FAT1: variants seen among roughly 807,000 people sequenced by gnomAD.
The protein encoded by FAT1 is FAT atypical cadherin 1.
Under a neutral mutation model 329.8 loss-of-function variants are expected in FAT1, and 171 were observed. The ratio of observed to expected loss-of-function variants is 0.52; its 90% CI spans 0.46 to 0.59. The LOEUF (loss-of-function observed/expected upper bound fraction) is 0.59, where lower values mean the gene tolerates loss of function less well. Among genes scored for constraint, FAT1 ranks in the 20% least tolerant of loss-of-function variants. The pLI is 0.00. For synonymous variants in FAT1, 2,233 were observed against 2,228.6 expected (o/e 1.00, Z -0.06); for missense variants, 5,672 against 5,774.4 (o/e 0.98, Z 0.57).
chr4:186,674,491 T>C (rs1161329959), intron 2 of FAT1, among the ~76,000 whole-genome samples: 1 of 152,134 alleles, frequency 6.6e-6, no homozygotes, highest in Non-Finnish European at 1.5e-5. Context: ...CTGACTCTCA[T>C]CAATCAATCA....
chr4:186,711,735 C>T (rs905371644), intron 1 of FAT1, among the ~76,000 whole-genome samples: 1 of 152,122 alleles, frequency 6.6e-6, no homozygotes, highest in Non-Finnish European at 1.5e-5. Flanking sequence ...CTGGCCAAAA[C>T]ATGGTGAAAC....
chr4:186,689,742 C>G lies in FAT1; in HGVS notation c.3265+16821G>C, dbSNP rs148083253. Among the ~76,000 whole-genome samples the G allele has an allele frequency of 5.7e-4, 87 of 152,312 alleles. 2 individuals are homozygous for G. The East Asian group carries it at 0.013, about 23-fold the overall frequency. On this transcript the variant is annotated intron_variant, in intron 2 of 26. Transcript: ENST00000441802. ...CACCAGGCTAATTCAACAGGCAGAA[C>G]TACTTAACTCTTCCACTTCCTTTCC...
chr4:186,587,910 G>C lies in FAT1; in HGVS notation c.*682C>G, dbSNP rs775027068. On this transcript the variant is annotated 3_prime_UTR_variant, in exon 27 of 27. Coordinates refer to ENST00000441802, the MANE Select transcript of FAT1 (RefSeq NM_005245.4). ...CAGACACTATAAAAACTGTGTCATG[G>C]TGGTTTTGGTTCTAAACAGGTATGC... 4.6e-6 allele frequency: 1 copy of C among 218,298 alleles called. No individual in the cohort carries two copies. The highest frequency in any genetic ancestry group is 5.8e-5 in the Admixed American group (1 of 17,312). 13.5% of individuals were successfully genotyped at this position (218,298 alleles called of 1,614,324 possible). A position where few individuals can be genotyped will look rare whatever the true frequency, so the allele number is the denominator to read the frequency against.
intron 9 of FAT1, among the ~76,000 whole-genome samples, chr4:186,624,424 G>T (rs557242284): frequency 6.6e-6 from 1 of 152,282 alleles, no homozygotes; most frequent in South Asian, 2.1e-4. Context: ...AATTACTTAA[G>T]TTTGGGGAGG....
chr4:186,599,718 A>C (rs895003705), intron 22 of FAT1, among the ~76,000 whole-genome samples, 180 bp downstream of exon 22: 1 of 152,176 alleles, frequency 6.6e-6, no homozygotes, highest in Admixed American at 6.5e-5. Context: ...TGGGCACCAG[A>C]AGGGCAGCAG....
chr4:186,720,031 A>G (rs929407964), intron 1 of FAT1, among the ~76,000 whole-genome samples: 3 of 152,166 alleles, frequency 2.0e-5, no homozygotes, highest in Non-Finnish European at 2.9e-5. Context: ...ACCTCTAACT[A>G]ATTTCCTAAT....
In FAT1 at chr4:186,711,360, G is replaced by A. The variant is rs1240945700; in HGVS notation, c.-18-1515C>T. Among the ~76,000 whole-genome samples, 8 of 152,078 alleles carry A rather than the reference G, an allele frequency of 5.3e-5. 1 individual carries two copies. Among genetic ancestry groups the A allele is most frequent in the Admixed American group, 5.2e-4 (8 of 15,260 alleles). ...AAGTCAGAAATTAGACAGATTTTTG[G>A]CTTCTAGGAGAACAATTATCATTTA... On this transcript the variant is annotated intron_variant, in intron 1 of 26. Coordinates refer to ENST00000441802, the MANE Select transcript of FAT1 (RefSeq NM_005245.4).
chr4:186,597,713 A>C lies in FAT1; in HGVS notation c.12337T>G (p.Cys4113Gly). Residue 4113 changes from cysteine to glycine, a missense_variant, in exon 24 of 27, where the codon TGT becomes GGT. This residue lies in a region of FAT1 where 1,706 missense variants were observed against 1,859.1 expected (regional missense o/e 0.92). Transcript: ENST00000441802. ...TCFDSLDGAV[C>G]QCDSGFRGER... ...CCCCTAAAACCCGAATCACACTGAC[A>C]AACGGCGCCATCCAAACTGTCAAAG... 1 of 1,613,984 alleles carries C rather than the reference A, an allele frequency of 6.2e-7. No individual in the cohort carries two copies. The highest frequency in any genetic ancestry group is 8.5e-7 in the Non-Finnish European group (1 of 1,179,884).
intron 2 of FAT1, among the ~76,000 whole-genome samples, chr4:186,704,218 C>T (rs530267150): frequency 1.3e-5 from 2 of 152,306 alleles, no homozygotes; most frequent in South Asian, 4.1e-4. Context: ...TACTTACCAA[C>T]CACACTGCCC....
At chr4:186,659,609 A>C (rs889527399) in intron 3 of FAT1, among the ~76,000 whole-genome samples, 1 of 151,714 alleles carries the variant, frequency 6.6e-6, no homozygotes. Flanking sequence ...TACACACACA[A>C]GCCCGCTGTG....
chr4:186,713,951 T>G (rs1269013799), intron 1 of FAT1, among the ~76,000 whole-genome samples: 7 of 152,230 alleles, frequency 4.6e-5, no homozygotes, highest in African/African-American at 1.7e-4. Flanking sequence ...CCTCCCGAAC[T>G]GCTAGGATTA....
rs1742886226 is a variant in FAT1, at chr4:186,674,928, G to A, written c.3266-11315C>T. On this transcript the variant is annotated intron_variant, in intron 2 of 26. Coordinates refer to ENST00000441802, the MANE Select transcript of FAT1 (RefSeq NM_005245.4). The stretch of plus-strand genomic sequence containing the variant: ...AGGCACCTGTAGTCCCAGCTACTTG[G>A]GTGCCTGAGGCAGGGGCATCGCTTG... Among the ~76,000 whole-genome samples, 3 of 152,060 alleles carry A rather than the reference G, an allele frequency of 2.0e-5. No individual in the cohort carries two copies. The South Asian group carries it at 6.2e-4, about 32-fold the overall frequency.
At chr4:186,711,248 C>T (rs1225510364) in intron 1 of FAT1, among the ~76,000 whole-genome samples, 1 of 152,132 alleles carries the variant, frequency 6.6e-6, no homozygotes. Context: ...GTGCTTAAAG[C>T]AATTAAAGCT....
rs1560910541 is a variant in FAT1 at position 186,588,650 on chromosome 4, CCGT to C, written c.13706_13708del (p.Asp4569del). On this transcript the variant is annotated inframe_deletion, in exon 27 of 27. Transcript: ENST00000441802. ...CGGGATCGTCACCTCTTCGAAGTGG[CCGT>C]CGTCCCCGCTCTCATAGTCACTCAT... 1 of 1,613,836 alleles carries C rather than the reference CCGT, an allele frequency of 6.2e-7. No individual in the cohort carries two copies. Among genetic ancestry groups the C allele is most frequent in the African/African-American group, 1.3e-5 (1 of 75,030 alleles).
At chr4:186,690,605 G>A (rs1743708243) in intron 2 of FAT1, among the ~76,000 whole-genome samples, 1 of 152,020 alleles carries the variant, frequency 6.6e-6, no homozygotes, top group African/African-American at 2.4e-5. Flanking sequence ...ACTGAGGTAG[G>A]AGAATCACTT....
intron 14 of FAT1, 122 bp downstream of exon 14, chr4:186,611,264 A>T: frequency 1.2e-6 from 1 of 828,610 alleles, no homozygotes; most frequent in South Asian, 2.1e-5. Flanking sequence ...AGAAAACTTG[A>T]TTTGCCTTTT....
intron 2 of FAT1, among the ~76,000 whole-genome samples, chr4:186,699,631 G>T (rs534478934): frequency 6.6e-6 from 1 of 151,478 alleles, no homozygotes; most frequent in Non-Finnish European, 1.5e-5. Flanking sequence ...AAAAGATTGC[G>T]CTTTGTGGCA....
At chr4:186,676,458 T>C (rs527694265) in intron 2 of FAT1, among the ~76,000 whole-genome samples, 2 of 152,300 alleles carry the variant, frequency 1.3e-5, no homozygotes, top group East Asian at 3.9e-4. Flanking sequence ...ATCTGAAGCA[T>C]ATAAGGAGAA....
rs2126512487 is a variant in FAT1, at chr4:186,620,110, C to G, written c.6476G>C (p.Gly2159Ala). The G allele has an allele frequency of 6.2e-7, 1 of 1,614,016 alleles. No homozygotes were observed. The highest frequency in any genetic ancestry group is 1.1e-5 in the South Asian group (1 of 91,082). ...EYLVTVVAKD[G>A]GNPAFSAEVI... The stretch of plus-strand genomic sequence containing the variant: ...TTCCGCTGAAAAGGCCGGGTTCCCT[C>G]CATCTTTTGCAACCACTGTAACAAG... The change falls in exon 10 of 27, where the codon GGA (glycine) becomes GCA (alanine). Residue 2159 changes from glycine to alanine, a missense_variant. This residue lies in a region of FAT1 where 3,966 missense variants were observed against 3,915.2 expected (regional missense o/e 1.01). Transcript: ENST00000441802.
Sources: allele counts gnomAD v4.1 joint callset (sites outside exome capture counted in the v4.1 genomes callset), GRCh38; gene constraint gnomAD v4.1.1; regional missense constraint gnomAD v4.1.1; transcripts MANE v1.5; gene names NCBI Gene and HGNC (gene_info 2026-07-23, HGNC 2026-07-21).